Variants in PPP4R3B observed in about 807,000 individuals in gnomAD.
PPP4R3B encodes serine/threonine-protein phosphatase 4 regulatory subunit 3B.
PPP4R3B carries 52 observed loss-of-function variants against 95.4 expected under a neutral mutation model. That is an observed-to-expected ratio of 0.54 (90% CI 0.44 to 0.69). The LOEUF (loss-of-function observed/expected upper bound fraction) is 0.69, where lower values mean the gene tolerates loss of function less well. PPP4R3B is among the 30% of genes least tolerant of loss of function. PPP4R3B has a pLI of 0.00. For synonymous variants in PPP4R3B, 407 were observed against 343.9 expected (o/e 1.18, Z -2.03); for missense variants, 1,003 against 1,005.9 (o/e 1.00, Z 0.04).
chr2:55,549,665 G>C lies in PPP4R3B; in HGVS notation c.*246C>G. ...TTCCTTGCTGAGAAGCTGTCTCCCA[G>C]GTTCTGGTTACTAATGTTTGTTTTG... On this transcript the variant is annotated 3_prime_UTR_variant, in exon 17 of 17. Coordinates refer to ENST00000616407, the MANE Select transcript of PPP4R3B (RefSeq NM_001122964.3). 2.3e-6 allele frequency: 1 copy of C among 434,512 alleles called. No homozygotes were observed. The highest frequency in any genetic ancestry group is 4.1e-6 in the Non-Finnish European group (1 of 246,568). 26.9% of individuals were successfully genotyped at this position (434,512 alleles called of 1,614,324 possible). A position where few individuals can be genotyped will look rare whatever the true frequency, so the allele number is the denominator to read the frequency against.
At chr2:55,608,141 A>AT (rs1360028431) in intron 2 of PPP4R3B, among the ~76,000 whole-genome samples, 1 of 152,068 alleles carries the variant, frequency 6.6e-6, no homozygotes, top group Non-Finnish European at 1.5e-5. Flanking sequence ...AGTAGCTGGG[A>AT]TTACAGGCGT....
intron 16 of PPP4R3B, among the ~76,000 whole-genome samples, chr2:55,558,444 C>G (rs1291938101): frequency 1.3e-5 from 2 of 152,046 alleles, no homozygotes; most frequent in African/African-American, 4.8e-5. Context: ...CTCGTCTCTA[C>G]TAAAAATACA....
intron 1 of PPP4R3B, among the ~76,000 whole-genome samples, chr2:55,615,775 G>A (rs1461103315): frequency 1.4e-5 from 2 of 144,382 alleles, no homozygotes; most frequent in African/African-American, 2.6e-5. Context: ...TCGCTTGAGA[G>A]AGAGGGAGAG....
chr2:55,560,269 A>C (rs1007313287), intron 15 of PPP4R3B, among the ~76,000 whole-genome samples: 1 of 152,216 alleles, frequency 6.6e-6, no homozygotes, highest in Admixed American at 6.5e-5. Context: ...TTTGACCAAA[A>C]TGCTAACAGT....
chr2:55,550,473 G>GTACTT (rs1685126822), intron 16 of PPP4R3B, among the ~76,000 whole-genome samples: 1 of 152,100 alleles, frequency 6.6e-6, no homozygotes, highest in South Asian at 2.1e-4. Context: ...TTAAATGGCT[G>GTACTT]GAGATAAACA....
chr2:55,560,170 T>C (rs534210868), intron 15 of PPP4R3B, among the ~76,000 whole-genome samples: 8 of 151,966 alleles, frequency 5.3e-5, no homozygotes, highest in South Asian at 2.1e-4. Context: ...AACTGGGTAA[T>C]AGACAGAGGT....
chr2:55,616,615 T>C (rs930181737), intron 1 of PPP4R3B: 1 of 152,228 alleles, frequency 6.6e-6, no homozygotes, highest in Non-Finnish European at 1.5e-5. Flanking sequence ...TACAGATGTA[T>C]GTGCTTGTGT....
chr2:55,576,446 A>C (rs59987759), intron 11 of PPP4R3B, among the ~76,000 whole-genome samples: 33,067 of 151,044 alleles, frequency 0.22, 3,662 homozygotes, highest in East Asian at 0.3. Context: ...AATTAAGTTT[A>C]AAAAAACAAA....
intron 12 of PPP4R3B, among the ~76,000 whole-genome samples, chr2:55,569,195 C>A (rs1006227925): frequency 3.9e-5 from 6 of 152,158 alleles, no homozygotes; most frequent in Admixed American, 6.5e-5. Flanking sequence ...CACCAGAGGG[C>A]TCCTTGGTCT....
intron 13 of PPP4R3B, among the ~76,000 whole-genome samples, chr2:55,567,179 G>C (rs773241466): frequency 2.0e-5 from 3 of 152,176 alleles, no homozygotes; most frequent in South Asian, 4.1e-4. Context: ...GATTGTTTAT[G>C]ACAAATCTTC....
intron 12 of PPP4R3B, among the ~76,000 whole-genome samples, chr2:55,573,206 GTTTC>G (rs763013869): frequency 6.6e-6 from 1 of 152,096 alleles, no homozygotes; most frequent in Admixed American, 6.6e-5. Flanking sequence ...GAGGGAGGAT[GTTTC>G]TTTCTCTGCT....
At chr2:55,570,739 C>G (rs1687891090) in intron 12 of PPP4R3B, among the ~76,000 whole-genome samples, 1 of 152,146 alleles carries the variant, frequency 6.6e-6, no homozygotes, top group Non-Finnish European at 1.5e-5. Flanking sequence ...TAAACATTAT[C>G]TGAGAATAAA....
At chr2:55,591,457 A>C (rs752843609) in intron 4 of PPP4R3B, 22 of 925,932 alleles carry the variant, frequency 2.4e-5, no homozygotes, top group Non-Finnish European at 2.7e-5. Context: ...TTTTCCAAAT[A>C]CTTTTAGTCT....
At chr2:55,580,306 A>C (rs1394395121) in intron 8 of PPP4R3B, among the ~76,000 whole-genome samples, 1 of 152,156 alleles carries the variant, frequency 6.6e-6, no homozygotes, top group Non-Finnish European at 1.5e-5. Context: ...ACAACATGTA[A>C]GTCAGAACAG....
At position 55,589,257 on chromosome 2, in the gene PPP4R3B, GCC is replaced by G. The variant is rs146798578; in HGVS notation, c.922-303_922-302del. On this transcript the variant is annotated intron_variant, in intron 4 of 16. Transcript: ENST00000616407. ...AAACTCACTTAACTTAGATTCTCTA[GCC>G]CCCTTTCAGGGTCTACTTACTCTTA... Among the ~76,000 whole-genome samples, 45 of 152,200 alleles carry G rather than the reference GCC, an allele frequency of 3.0e-4. No individual in the cohort carries two copies. The East Asian group carries it at 8.5e-3, about 29-fold the overall frequency.
chr2:55,560,764 G>A, intron 15 of PPP4R3B, among the ~76,000 whole-genome samples: 1 of 122,180 alleles, frequency 8.2e-6, no homozygotes. Context: ...GCAACAGAGA[G>A]AGACTCCATC....
At chr2:55,605,714 T>C (rs1430850288) in intron 2 of PPP4R3B, among the ~76,000 whole-genome samples, 29 of 152,100 alleles carry the variant, frequency 1.9e-4, no homozygotes, top group Admixed American at 1.9e-3. Context: ...AAGACCATCC[T>C]GGCCAACATG....
chr2:55,586,106 T>A (rs1416949383), intron 6 of PPP4R3B, among the ~76,000 whole-genome samples: 1 of 152,222 alleles, frequency 6.6e-6, no homozygotes, highest in Non-Finnish European at 1.5e-5. Flanking sequence ...ATAAAAGTTA[T>A]ATTGATTTCA....
rs552666496 is a variant in PPP4R3B at position 55,591,715 on chromosome 2, T to C, written c.922-2759A>G. ...GTAGAACTGCATAAAATATTACAGA[T>C]AGAGGCAATCTCAATTATTACAGTC... is the stretch of plus-strand genomic sequence containing the variant. On this transcript the variant is annotated intron_variant, in intron 4 of 16. Coordinates refer to ENST00000616407, the MANE Select transcript of PPP4R3B (RefSeq NM_001122964.3). 2.9e-5 allele frequency: 27 copies of C among 925,552 alleles called. No homozygotes were observed. The South Asian group carries it at 1.3e-3, about 45-fold the overall frequency. 57.3% of individuals were successfully genotyped at this position (925,552 alleles called of 1,614,324 possible).
Sources: gnomAD v4.1 joint callset for allele counts (sites outside exome capture counted in the v4.1 genomes callset) on GRCh38, gnomAD v4.1.1 for gene constraint, MANE v1.5 for transcripts, NCBI Gene and HGNC (gene_info 2026-07-23, HGNC 2026-07-21) for gene names.